Variants in WDFY4 observed in about 807,000 individuals in gnomAD.
WDFY4 encodes the protein WDFY family member 4.
In WDFY4, 169 loss-of-function variants were observed where a neutral mutation model predicts 351.9. The observed-to-expected ratio is 0.48, with a 90% CI of 0.42 to 0.55. The LOEUF is 0.55. Among genes scored for constraint, WDFY4 ranks in the 20% least tolerant of loss-of-function variants. The pLI, the probability that WDFY4 is intolerant of heterozygous loss-of-function variation, is 0.00. For synonymous variants in WDFY4, 1,622 were observed against 1,574.6 expected (o/e 1.03, Z -0.71); for missense variants, 3,803 against 3,935.6 (o/e 0.97, Z 0.90).
At chr10:48,837,662 G>T (rs575433309) in intron 39 of WDFY4, among the ~76,000 whole-genome samples, 2 of 152,318 alleles carry the variant, frequency 1.3e-5, no homozygotes, top group South Asian at 4.1e-4. Flanking sequence ...TGGGAAGTCT[G>T]GCATTCAGAT....
chr10:48,874,877 G>A (rs2069934580), intron 41 of WDFY4, among the ~76,000 whole-genome samples: 3 of 152,120 alleles, frequency 2.0e-5, no homozygotes, highest in Admixed American at 2.0e-4. Flanking sequence ...GGAAGATTGT[G>A]GGTTTTTTCC....
intron 12 of WDFY4, among the ~76,000 whole-genome samples, chr10:48,758,614 T>C (rs1589535219): frequency 6.6e-6 from 1 of 152,186 alleles, no homozygotes; most frequent in African/African-American, 2.4e-5. Context: ...ATCTTTTTCC[T>C]TTTTGTTGTT....
At position 48,830,760 on chromosome 10, in the gene WDFY4, A is replaced by T. The variant is rs1350585069; in HGVS notation, c.6401A>T (p.Gln2134Leu). 2 of 1,551,710 alleles carry T rather than the reference A, an allele frequency of 1.3e-6. No homozygotes were observed. Residue 2134 changes from glutamine to leucine, a missense_variant, in exon 38 of 62, where the codon CAG becomes CTG. Physicochemically the swap from Gln to Leu is moderately radical, Grantham distance 113. Transcript: ENST00000325239. The part of the protein sequence containing the change: ...TLWQQLVAQR[Q>L]QTLEDAFKID... Reference sequence around the variant, plus strand: ...TGGCAGCAGCTGGTGGCACAAAGGCAGCAGACCCTGGAGGATGCCTTCAAG... The same window carrying T: ...TGGCAGCAGCTGGTGGCACAAAGGCTGCAGACCCTGGAGGATGCCTTCAAG...
chr10:48,790,026 G>C (rs756329474), intron 22 of WDFY4, 41 bp downstream of exon 22: 9 of 1,540,866 alleles, frequency 5.8e-6, no homozygotes, highest in Non-Finnish European at 7.9e-6. Flanking sequence ...TTGGGAAGCA[G>C]GGTTTGTGCT....
chr10:48,774,787 T>C (rs907242621), intron 14 of WDFY4, 115 bp downstream of exon 14: 43 of 1,303,004 alleles, frequency 3.3e-5, no homozygotes, highest in Non-Finnish European at 4.6e-5. Flanking sequence ...GGCACGGCTC[T>C]GTCCTGGCAT....
At chr10:48,820,795 A>T (rs1217264953) in intron 33 of WDFY4, among the ~76,000 whole-genome samples, 1 of 152,098 alleles carries the variant, frequency 6.6e-6, no homozygotes, top group Non-Finnish European at 1.5e-5. Context: ...TCTGCCTCCC[A>T]GGGCCGGCCC....
rs149130476 is a variant in WDFY4 at position 48,886,578 on chromosome 10, G to A, written c.7168-4001G>A. 2.8e-3 allele frequency among the ~76,000 whole-genome samples: 432 copies of A among 152,134 alleles called. 2 individuals carry two copies. Among genetic ancestry groups the A allele is most frequent in the African/African-American group, 0.01 (417 of 41,492 alleles). ...TCTTGCATGCTCACTTCCAGCTTCCGCCCTTCCATCATGGGGTGACCCTCA... is the reference window on the plus strand; with the variant it reads ...TCTTGCATGCTCACTTCCAGCTTCCACCCTTCCATCATGGGGTGACCCTCA... On this transcript the variant is annotated intron_variant, in intron 43 of 61. Coordinates refer to ENST00000325239, the MANE Select transcript of WDFY4 (RefSeq NM_001394531.1).
intron 5 of WDFY4, among the ~76,000 whole-genome samples, chr10:48,724,720 T>A (rs143571218): frequency 4.6e-5 from 7 of 152,108 alleles, no homozygotes; most frequent in African/African-American, 1.4e-4. Flanking sequence ...GGCAGACAGA[T>A]GGTTGCTGCA....
intron 57 of WDFY4, among the ~76,000 whole-genome samples, chr10:48,974,532 A>AAAAAAAAAAAACAT (rs1842479595): frequency 2.7e-5 from 1 of 36,588 alleles, no homozygotes; most frequent in Non-Finnish European, 1.3e-4. Context: ...AAAAAAAACA[A>AAAAAAAAAAAACAT]CTCATGACAT....
chr10:48,920,422 C>T (rs979012388), intron 47 of WDFY4, among the ~76,000 whole-genome samples: 8 of 151,704 alleles, frequency 5.3e-5, no homozygotes, highest in East Asian at 1.9e-4. Flanking sequence ...TGTTAAATGA[C>T]GAATTAATGG....
At chr10:48,859,563 A>G (rs1002763957) in intron 39 of WDFY4, among the ~76,000 whole-genome samples, 2 of 152,208 alleles carry the variant, frequency 1.3e-5, no homozygotes, top group Non-Finnish European at 2.9e-5. Context: ...TTCCTGGAAT[A>G]AATCCCACTT....
intron 39 of WDFY4, among the ~76,000 whole-genome samples, chr10:48,847,585 G>T (rs1402716022): frequency 6.6e-6 from 1 of 152,072 alleles, no homozygotes; most frequent in Non-Finnish European, 1.5e-5. Flanking sequence ...TGAGAATGAG[G>T]CCGACAGAGA....
intron 47 of WDFY4, among the ~76,000 whole-genome samples, chr10:48,935,024 G>C (rs1840267038): frequency 6.6e-6 from 1 of 152,148 alleles, no homozygotes; most frequent in Non-Finnish European, 1.5e-5. Context: ...CTGTTGCCTG[G>C]GCTTTGTAAA....
At position 48,970,145 on chromosome 10, in the gene WDFY4, C is replaced by T. The variant is rs529743311; in HGVS notation, c.8784C>T (p.Phe2928=). 16 of 1,551,582 alleles carry T rather than the reference C, an allele frequency of 1.0e-5. No homozygotes were observed. Among genetic ancestry groups the T allele is most frequent in the African/African-American group, 6.8e-5 (5 of 73,168 alleles). The change falls in exon 57 of 62, where the codon TTC becomes TTT. Residue 2928 remains phenylalanine (F), a synonymous_variant. Coordinates refer to ENST00000325239, the MANE Select transcript of WDFY4 (RefSeq NM_001394531.1). ...SYGSDKVLMT[F]ENLAAWGRCL... ...ATCTCCTACAGGTCCTGATGACATT[C>T]GAGAACCTGGCTGCCTGGGGCCGCT...
chr10:48,883,662 C>G (rs988148437), intron 43 of WDFY4, among the ~76,000 whole-genome samples: 4 of 152,190 alleles, frequency 2.6e-5, no homozygotes, highest in African/African-American at 9.7e-5. Context: ...ATGGCCTTTG[C>G]TGGACACATG....
intron 7 of WDFY4, among the ~76,000 whole-genome samples, chr10:48,728,388 A>G (rs2132320533): frequency 6.6e-6 from 1 of 152,330 alleles, no homozygotes; most frequent in Non-Finnish European, 1.5e-5. Flanking sequence ...AGGGATGGAA[A>G]TCAAAGAAAT....
At chr10:48,954,078 A>G (rs1841472679) in intron 51 of WDFY4, among the ~76,000 whole-genome samples, 1 of 152,162 alleles carries the variant, frequency 6.6e-6, no homozygotes, top group Non-Finnish European at 1.5e-5. Flanking sequence ...TTTGCCCTCA[A>G]TTTTGCTTCA....
rs1841637660 is a variant in WDFY4, at chr10:48,957,273, G to T, written c.8122G>T (p.Val2708Leu). The T allele has an allele frequency of 6.4e-7, 1 of 1,551,006 alleles. No homozygotes were observed. The highest frequency in any genetic ancestry group is 1.4e-5 in the African/African-American group (1 of 73,052). ...LPEFLTNCNG[V>L]EFGCMQDGTV... ...TGAGTTCTTAACCAACTGCAACGGG[G>T]TAGAGTTCGGTAAGTGGAGGCCTGG... is the stretch of plus-strand genomic sequence containing the variant. Residue 2708 changes from valine (V) to leucine (L), a missense_variant, in exon 52 of 62, where the codon GTA (valine) becomes TTA (leucine). By Grantham distance (32) the Val-to-Leu change is conservative (BLOSUM62 1). Transcript: ENST00000325239.
intron 13 of WDFY4, among the ~76,000 whole-genome samples, 156 bp downstream of exon 13, chr10:48,760,596 AG>A (rs1251626007): frequency 1.3e-5 from 2 of 152,254 alleles, no homozygotes; most frequent in East Asian, 3.8e-4. Flanking sequence ...GGAAAGTACC[AG>A]GGTGTCCTGG....
Sources: gnomAD v4.1 joint callset for allele counts (sites outside exome capture counted in the v4.1 genomes callset) on GRCh38, gnomAD v4.1.1 for gene constraint, MANE v1.5 for transcripts, NCBI Gene and HGNC (gene_info 2026-07-23, HGNC 2026-07-21) for gene names.